TBC1D5: variants seen among roughly 807,000 people sequenced by gnomAD.
The protein encoded by TBC1D5 is TBC1 domain family member 5.
TBC1D5 carries 75 observed loss-of-function variants against 100.3 expected under a neutral mutation model. The observed-to-expected ratio is 0.75, with a 90% CI of 0.62 to 0.91. TBC1D5 has a LOEUF of 0.91. Ranked by LOEUF, TBC1D5 falls within the 40% of genes least tolerant of loss-of-function variation. The pLI, the probability that TBC1D5 is intolerant of heterozygous loss-of-function variation, is 0.00. For synonymous variants in TBC1D5, 323 were observed against 325.6 expected (o/e 0.99, Z 0.09); for missense variants, 910 against 942.4 (o/e 0.97, Z 0.45).
At chr3:17,394,941 A>T (rs899899340) in intron 8 of TBC1D5, among the ~76,000 whole-genome samples, 10 of 151,982 alleles carry the variant, frequency 6.6e-5, no homozygotes, top group African/African-American at 2.4e-4. Context: ...AGAATTTTTT[A>T]AAGTGAAAAA....
chr3:17,387,472 T>C (rs1295010003), intron 8 of TBC1D5, among the ~76,000 whole-genome samples: 1 of 152,056 alleles, frequency 6.6e-6, no homozygotes, highest in Non-Finnish European at 1.5e-5. Context: ...ACATAGTTCC[T>C]ACAAAAAATA....
chr3:17,447,696 G>C (rs1576013229), intron 3 of TBC1D5, among the ~76,000 whole-genome samples: 1 of 152,154 alleles, frequency 6.6e-6, no homozygotes, highest in African/African-American at 2.4e-5. Context: ...CATGAACTTA[G>C]GCTGAAAAGA....
chr3:17,214,463 A>C, intron 17 of TBC1D5, 93 bp from the exon 19 acceptor site: 4 of 1,318,366 alleles, frequency 3.0e-6, no homozygotes, highest in Non-Finnish European at 4.2e-6. Context: ...ATCAATTATG[A>C]TGCCACTAGG....
At chr3:17,561,476 A>G (rs2096558825) in intron 2 of TBC1D5, among the ~76,000 whole-genome samples, 3 of 152,186 alleles carry the variant, frequency 2.0e-5, no homozygotes, top group Admixed American at 2.0e-4. Context: ...TAGCAGACAG[A>G]GAAGCAAACA....
chr3:17,600,960 C>T (rs1391106197), intron 2 of TBC1D5, among the ~76,000 whole-genome samples: 3 of 152,150 alleles, frequency 2.0e-5, no homozygotes, highest in African/African-American at 7.2e-5. Flanking sequence ...TGGTTAACTA[C>T]CATGCTTCTA....
At chr3:17,664,764 G>A (rs2067050344) in intron 1 of TBC1D5, among the ~76,000 whole-genome samples, 1 of 152,104 alleles carries the variant, frequency 6.6e-6, no homozygotes, top group Non-Finnish European at 1.5e-5. Flanking sequence ...TACCAGTTAA[G>A]GCTCCTGAAT....
intron 16 of TBC1D5, among the ~76,000 whole-genome samples, chr3:17,243,548 C>T (rs979371769): frequency 6.6e-6 from 1 of 151,768 alleles, no homozygotes. Context: ...GAAAAAAAGA[C>T]TAAAAAATTT....
rs186491115 is a variant in TBC1D5, at chr3:17,401,790, T to C, written c.509+1391A>G. On this transcript the variant is annotated intron_variant, in intron 8 of 21. Coordinates refer to ENST00000253692, the Ensembl canonical transcript of TBC1D5. ...TTTAAAAAGGGATGCCTTTACAGTTTAGTTAACAATATATACTGCACATTT... is the reference window on the plus strand; with the variant it reads ...TTTAAAAAGGGATGCCTTTACAGTTCAGTTAACAATATATACTGCACATTT... Among the ~76,000 whole-genome samples, 1,052 of 151,894 alleles carry C rather than the reference T, an allele frequency of 6.9e-3. 8 individuals are homozygous for C. Among genetic ancestry groups the C allele is most frequent in the African/African-American group, 0.024 (987 of 41,198 alleles).
chr3:17,267,618 C>A (rs1019245874), intron 15 of TBC1D5, among the ~76,000 whole-genome samples: 1 of 152,070 alleles, frequency 6.6e-6, no homozygotes, highest in South Asian at 2.1e-4. Flanking sequence ...AAGTAACCAT[C>A]GAAATAGAGG....
At chr3:17,448,445 ACACATCAGAGGAATCACTATCTATGG>A (rs1671408416) in intron 3 of TBC1D5, among the ~76,000 whole-genome samples, 1 of 152,214 alleles carries the variant, frequency 6.6e-6, no homozygotes, top group Non-Finnish European at 1.5e-5. Flanking sequence ...TTTTGCTCTG[ACACATCAGAGGAATCACTATCTATGG>A]CAGCTATGAA....
chr3:17,201,855 A>G (rs1355657659), intron 18 of TBC1D5, among the ~76,000 whole-genome samples: 3 of 152,178 alleles, frequency 2.0e-5, no homozygotes, highest in Non-Finnish European at 2.9e-5. Context: ...TCTTTTCTTT[A>G]TACTTTACCC....
At chr3:17,337,591 A>T (rs2088130326) in intron 13 of TBC1D5, 1 of 152,202 alleles carries the variant, frequency 6.6e-6, no homozygotes, top group African/African-American at 2.4e-5. Context: ...TCCAGACTTC[A>T]GCTAGTTTGA....
intron 13 of TBC1D5, among the ~76,000 whole-genome samples, chr3:17,320,378 A>G (rs982854620): frequency 1.3e-5 from 2 of 152,246 alleles, no homozygotes; most frequent in East Asian, 1.9e-4. Flanking sequence ...GGCAAAGTTC[A>G]GCAATCTGTA....
At chr3:17,158,507 T>TAATACA (rs2124946346) in exon 22 of TBC1D5, 1 of 152,334 alleles carries the variant, frequency 6.6e-6, no homozygotes, top group East Asian at 1.9e-4. Flanking sequence ...CATAAGGCAG[T>TAATACA]AATACAATTG....
Position 17,192,527 on chromosome 3 carries a change from T to A in TBC1D5, c.1753-7319A>T, listed in dbSNP as rs572066573. Among the ~76,000 whole-genome samples the A allele has an allele frequency of 1.2e-4, 18 of 152,338 alleles. No individual in the cohort carries two copies. The South Asian group carries it at 3.7e-3, about 32-fold the overall frequency. On this transcript the variant is annotated intron_variant, in intron 18 of 21. Transcript: ENST00000253692. ...CTAGAAATAACGTGATTCTTAAAGATATTTTAAAAATAAAGATGCTTACAA... is the reference window on the plus strand; with the variant it reads ...CTAGAAATAACGTGATTCTTAAAGAAATTTTAAAAATAAAGATGCTTACAA...
At chr3:17,190,647 C>A (rs1452448617) in intron 18 of TBC1D5, among the ~76,000 whole-genome samples, 1 of 152,136 alleles carries the variant, frequency 6.6e-6, no homozygotes, top group Non-Finnish European at 1.5e-5. Flanking sequence ...GTGGCCACTG[C>A]CCCCAACACA....
At chr3:17,178,647 T>C (rs921736627) in intron 19 of TBC1D5, among the ~76,000 whole-genome samples, 6 of 152,090 alleles carry the variant, frequency 3.9e-5, no homozygotes, top group African/African-American at 1.4e-4. Context: ...ACAAAAGTTC[T>C]CTTTTATTTA....
intron 1 of TBC1D5, among the ~76,000 whole-genome samples, chr3:17,631,059 A>AAAAAG (rs1553888485): frequency 0.037 from 4,882 of 133,292 alleles, 428 homozygotes; most frequent in African/African-American, 0.11. Context: ...AAAAAAAAAA[A>AAAAAG]AAAGTTAGGC....
At chr3:17,712,291 G>A (rs895746067) in intron 1 of TBC1D5, among the ~76,000 whole-genome samples, 4 of 152,074 alleles carry the variant, frequency 2.6e-5, no homozygotes, top group African/African-American at 9.7e-5. Flanking sequence ...CCACAGAACT[G>A]ATGAACAAGA....
Sources: allele counts gnomAD v4.1 joint callset (sites outside exome capture counted in the v4.1 genomes callset), GRCh38; gene constraint gnomAD v4.1.1; transcripts MANE v1.5; gene names NCBI Gene and HGNC (gene_info 2026-07-23, HGNC 2026-07-21).